EPHA3: variants seen among roughly 807,000 people sequenced by gnomAD.
EPHA3 encodes the protein ephrin type-A receptor 3.
EPHA3 carries 42 observed loss-of-function variants against 107.1 expected under a neutral mutation model. The observed-to-expected ratio is 0.39, with a 90% confidence interval of 0.31 to 0.51. The LOEUF is 0.51. Among genes scored for constraint, EPHA3 ranks in the 20% least tolerant of loss-of-function variants. The probability of loss-of-function intolerance (pLI) is 0.78; values close to 1 mark genes in which losing one functional copy is unlikely to be tolerated. For synonymous variants in EPHA3, 461 were observed against 424.8 expected (o/e 1.09, Z -1.05); for missense variants, 1,183 against 1,211.2 (o/e 0.98, Z 0.35).
chr3:89,381,251 C>T (rs893168158), intron 5 of EPHA3, among the ~76,000 whole-genome samples: 19 of 151,294 alleles, frequency 1.3e-4, no homozygotes, highest in Middle Eastern at 3.4e-3. Flanking sequence ...GGATTACAGG[C>T]CTGAGCCACC....
At chr3:89,120,858 A>T (rs571598498) in intron 1 of EPHA3, among the ~76,000 whole-genome samples, 1 of 152,348 alleles carries the variant, frequency 6.6e-6, no homozygotes, top group Non-Finnish European at 1.5e-5. Flanking sequence ...TAAGTGCAGA[A>T]ATCTTCTTAT....
chr3:89,356,329 A>G (rs1161034821), intron 5 of EPHA3, among the ~76,000 whole-genome samples: 1 of 150,988 alleles, frequency 6.6e-6, no homozygotes, highest in Non-Finnish European at 1.5e-5. Context: ...CATGATTTAT[A>G]GTCCTTTGGG....
chr3:89,345,144 G>A (rs1312367082), intron 5 of EPHA3, among the ~76,000 whole-genome samples: 2 of 150,716 alleles, frequency 1.3e-5, no homozygotes, highest in Non-Finnish European at 3.0e-5. Context: ...TGCCATTATA[G>A]AATCTGCCGC....
chr3:89,264,670 G>A (rs1705495536), intron 3 of EPHA3, among the ~76,000 whole-genome samples: 2 of 152,080 alleles, frequency 1.3e-5, no homozygotes, highest in African/African-American at 2.4e-5. Context: ...AACAGGAGAA[G>A]CATATGTCTT....
At chr3:89,148,753 T>G (rs1278678214) in intron 2 of EPHA3, among the ~76,000 whole-genome samples, 1 of 152,004 alleles carries the variant, frequency 6.6e-6, no homozygotes, top group Non-Finnish European at 1.5e-5. Flanking sequence ...ATCATGTCAC[T>G]TATAGAAACA....
rs1440268981 is a variant in EPHA3 at position 89,349,475 on chromosome 3, C to T, written c.1306+7385C>T. ...TTTGTTTTCCATTTGCTTGGTAGAT[C>T]TTCTTCCATCCTTTTATTTTGAGCC... On this transcript the variant is annotated intron_variant, in intron 5 of 16. Transcript: ENST00000336596. 3.7e-3 allele frequency among the ~76,000 whole-genome samples: 542 copies of T among 148,224 alleles called. 3 individuals carry two copies. Among genetic ancestry groups the T allele is most frequent in the African/African-American group, 0.013 (514 of 39,742 alleles).
intron 5 of EPHA3, among the ~76,000 whole-genome samples, chr3:89,350,841 G>A (rs1451285862): frequency 2.0e-5 from 3 of 151,132 alleles, no homozygotes; most frequent in Non-Finnish European, 4.4e-5. Context: ...TAACAGACAG[G>A]ACCCTCAGCT....
chr3:89,406,293 C>T (rs559566450), intron 7 of EPHA3, among the ~76,000 whole-genome samples: 2 of 152,270 alleles, frequency 1.3e-5, no homozygotes, highest in Admixed American at 6.5e-5. Context: ...AATATACAAT[C>T]TCATTCCCCA....
intron 3 of EPHA3, among the ~76,000 whole-genome samples, chr3:89,270,344 C>G (rs936799560): frequency 1.3e-5 from 2 of 151,974 alleles, no homozygotes; most frequent in African/African-American, 2.4e-5. Context: ...TCAGAAATCC[C>G]TTTCCAGCCT....
At chr3:89,242,796 C>T (rs1486566078) in intron 3 of EPHA3, among the ~76,000 whole-genome samples, 1 of 151,742 alleles carries the variant, frequency 6.6e-6, no homozygotes, top group African/African-American at 2.4e-5. Flanking sequence ...GGTACATGTG[C>T]ACAACGTGCA....
chr3:89,217,089 G>A (rs552013822), intron 3 of EPHA3, among the ~76,000 whole-genome samples: 48 of 152,060 alleles, frequency 3.2e-4, no homozygotes, highest in Non-Finnish European at 5.1e-4. Flanking sequence ...TGTGTTTAGA[G>A]TTTTGACAAT....
intron 2 of EPHA3, among the ~76,000 whole-genome samples, chr3:89,190,049 ATCC>A (rs1414900481): frequency 2.0e-5 from 3 of 152,216 alleles, no homozygotes; most frequent in African/African-American, 7.2e-5. Flanking sequence ...AGTATTAAAC[ATCC>A]TCTATCTGTA....
At chr3:89,266,449 T>G (rs557170507) in intron 3 of EPHA3, among the ~76,000 whole-genome samples, 6 of 152,320 alleles carry the variant, frequency 3.9e-5, no homozygotes, top group Admixed American at 2.6e-4. Context: ...CACATTTTAG[T>G]GTGTCAGTGT....
intron 2 of EPHA3, among the ~76,000 whole-genome samples, chr3:89,130,930 C>T (rs1228931950): frequency 6.6e-6 from 1 of 152,158 alleles, no homozygotes; most frequent in Admixed American, 6.5e-5. Flanking sequence ...GACACCGCGC[C>T]CGGTCCCTAT....
At chr3:89,347,306 T>G (rs1399554052) in intron 5 of EPHA3, among the ~76,000 whole-genome samples, 2 of 146,638 alleles carry the variant, frequency 1.4e-5, no homozygotes, top group African/African-American at 5.0e-5. Context: ...AGCAGTGGTT[T>G]GTAGTTCTCC....
chr3:89,139,195 G>A (rs1226084053), intron 2 of EPHA3, among the ~76,000 whole-genome samples: 1 of 151,838 alleles, frequency 6.6e-6, no homozygotes, highest in East Asian at 1.9e-4. Context: ...AAGGAGAGAT[G>A]CAATGCAATG....
At position 89,146,369 on chromosome 3, in the gene EPHA3, C is replaced by A. The variant is rs377479084; in HGVS notation, c.153+19096C>A. Reference sequence around the variant, plus strand: ...CAATTCAGATAGGCCAAAAAAAAGTCATAAAGTATTTCTCTAATGACAACT... The same window carrying A: ...CAATTCAGATAGGCCAAAAAAAAGTAATAAAGTATTTCTCTAATGACAACT... On this transcript the variant is annotated intron_variant, in intron 2 of 16. Coordinates refer to ENST00000336596, the MANE Select transcript of EPHA3 (RefSeq NM_005233.6). 3.3e-5 allele frequency among the ~76,000 whole-genome samples: 5 copies of A among 151,840 alleles called. No homozygotes were observed. In the South Asian group the frequency reaches 6.2e-4, roughly 19 times the overall value.
intron 3 of EPHA3, among the ~76,000 whole-genome samples, chr3:89,270,567 T>A (rs185152213): frequency 4.5e-4 from 68 of 152,266 alleles, no homozygotes; most frequent in African/African-American, 1.6e-3. Context: ...AATAATTAAA[T>A]GCATGACCTC....
intron 13 of EPHA3, among the ~76,000 whole-genome samples, chr3:89,443,311 T>C (rs1326362457): frequency 6.6e-6 from 1 of 152,148 alleles, no homozygotes; most frequent in Admixed American, 6.6e-5. Context: ...CAACATCCTG[T>C]GACATATTTT....
Sources: allele counts gnomAD v4.1 joint callset (sites outside exome capture counted in the v4.1 genomes callset), GRCh38; gene constraint gnomAD v4.1.1; transcripts MANE v1.5; gene names NCBI Gene and HGNC (gene_info 2026-07-23, HGNC 2026-07-21).